Variants in RTF2 observed in about 807,000 individuals in gnomAD.
The protein encoded by RTF2 is replication termination factor 2, also known as UPF0549 protein C20orf43.
A neutral mutation model predicts 38.0 loss-of-function variants in RTF2; 18 were observed. That is an observed-to-expected ratio of 0.47 (90% confidence interval 0.33 to 0.70). RTF2 has a LOEUF of 0.70. RTF2 is among the 30% of genes least tolerant of loss of function. The pLI is 0.02. For missense variants in RTF2, 311 were observed against 379.6 expected, an observed-to-expected ratio of 0.82 and a Z score of 1.50; for synonymous variants, 126 against 137.1, an observed-to-expected ratio of 0.92 and a Z score of 0.57.
chr20:56,507,498 G>A (rs1317165326), intron 5 of RTF2, among the ~76,000 whole-genome samples: 1 of 152,102 alleles, frequency 6.6e-6, no homozygotes, highest in Non-Finnish European at 1.5e-5. Flanking sequence ...CTAATGTGAG[G>A]GGTTCCTGAC....
Position 56,497,003 on chromosome 20 carries a change from G to A in RTF2, c.477+12814G>A. The A allele has an allele frequency of 5.8e-6, 9 of 1,551,792 alleles. No homozygotes were observed. In the Middle Eastern group the frequency reaches 1.5e-3, roughly 259 times the overall value. ...TGGGAAAATCCTGTCCACAAAGATT[G>A]ATGACATAGTTCCATTGAAATTTAG... On this transcript the variant is annotated intron_variant, in intron 5 of 8. Coordinates refer to ENST00000357348, the MANE Select transcript of RTF2 (RefSeq NM_016407.5).
chr20:56,468,913 A>G (rs1362468510), intron 1 of RTF2, 147 bp downstream of exon 1: 1 of 649,776 alleles, frequency 1.5e-6, no homozygotes, highest in East Asian at 2.8e-5. Context: ...AAAATTAACA[A>G]CAGTATTAAG....
At chr20:56,470,823 CCA>C in intron 1 of RTF2, 1 of 371,002 alleles carries the variant, frequency 2.7e-6, no homozygotes, top group Non-Finnish European at 5.5e-6. Flanking sequence ...CATCCACATG[CCA>C]GGAGAGTTAC....
rs1985222574 is a variant in RTF2, at chr20:56,518,766, GT to G, written c.*503del. ...AGCCCTGGGAGGAGCCAGGATCCTT[GT>G]TGGTCTAGCTAAATACTGTTAGGGG... is the stretch of plus-strand genomic sequence containing the variant. On this transcript the variant is annotated 3_prime_UTR_variant, in exon 9 of 9. Transcript: ENST00000357348. The G allele has an allele frequency of 6.6e-6, 1 of 152,540 alleles. No homozygotes were observed. The highest frequency in any genetic ancestry group is 1.5e-5 in the Non-Finnish European group (1 of 68,294). 9.4% of individuals were successfully genotyped at this position (152,540 alleles called of 1,614,324 possible).
At chr20:56,477,291 G>A (rs2273327) in intron 4 of RTF2, among the ~76,000 whole-genome samples, 167 bp downstream of exon 4, 6,980 of 152,198 alleles carry the variant, frequency 0.046, 467 homozygotes, top group East Asian at 0.3. Flanking sequence ...GTTCATTTCC[G>A]TCAGCCATTG....
intron 5 of RTF2, among the ~76,000 whole-genome samples, chr20:56,484,705 C>T (rs1161606601): frequency 6.6e-6 from 1 of 152,186 alleles, no homozygotes; most frequent in Non-Finnish European, 1.5e-5. Flanking sequence ...TAAATGCTCG[C>T]ATGGGTGGCG....
At position 56,498,762 on chromosome 20, in the gene RTF2, T is replaced by A. The variant is rs534925804; in HGVS notation, c.478-14553T>A. Among the ~76,000 whole-genome samples, 5 of 152,098 alleles carry A rather than the reference T, an allele frequency of 3.3e-5. No individual in the cohort carries two copies. In the East Asian group the frequency reaches 9.6e-4, roughly 29 times the overall value. ...TATATTGTTAGAAAGTATTTGTTTT[T>A]CTTGTTTATGAATCTTGACTTGGTT... On this transcript the variant is annotated intron_variant, in intron 5 of 8. Coordinates refer to ENST00000357348, the MANE Select transcript of RTF2 (RefSeq NM_016407.5).
At chr20:56,497,821 T>TTTTATCCTC (rs1287420344) in intron 5 of RTF2, among the ~76,000 whole-genome samples, 1 of 152,172 alleles carries the variant, frequency 6.6e-6, no homozygotes, top group Non-Finnish European at 1.5e-5. Flanking sequence ...TTATGCTCCT[T>TTTTATCCTC]TTTATCCTCT....
At chr20:56,483,770 A>G (rs1600801939) in intron 4 of RTF2, among the ~76,000 whole-genome samples, 1 of 152,036 alleles carries the variant, frequency 6.6e-6, no homozygotes, top group East Asian at 1.9e-4. Flanking sequence ...CTCTTTGGCC[A>G]TTTTTCTATT....
chr20:56,492,325 A>G (rs8125400), intron 5 of RTF2, among the ~76,000 whole-genome samples: 3 of 150,922 alleles, frequency 2.0e-5, no homozygotes, highest in Admixed American at 1.3e-4. Context: ...TGATCTTCCC[A>G]CCTCGGCCTC....
At chr20:56,507,918 C>G (rs889016665) in intron 5 of RTF2, among the ~76,000 whole-genome samples, 3 of 152,212 alleles carry the variant, frequency 2.0e-5, no homozygotes, top group Admixed American at 1.3e-4. Context: ...CGTGAGACTT[C>G]CCAGGGAACC....
At chr20:56,513,222 G>T in intron 5 of RTF2, 93 bp from the exon 6 acceptor site, 1 of 1,488,532 alleles carries the variant, frequency 6.7e-7, no homozygotes, top group Non-Finnish European at 9.0e-7. Context: ...CGGAGCCTGG[G>T]GGCCACTGCT....
intron 5 of RTF2, among the ~76,000 whole-genome samples, chr20:56,484,426 G>T (rs1365324409): frequency 6.6e-6 from 1 of 152,194 alleles, no homozygotes; most frequent in Non-Finnish European, 1.5e-5. Flanking sequence ...TGCTGCCTCA[G>T]TTTCCTCTAG....
At chr20:56,469,564 A>T (rs1568689083) in intron 1 of RTF2, among the ~76,000 whole-genome samples, 1 of 152,218 alleles carries the variant, frequency 6.6e-6, no homozygotes, top group African/African-American at 2.4e-5. Context: ...TTTTAATGAT[A>T]AAATATTTGT....
At chr20:56,473,622 A>T (rs984003610) in intron 2 of RTF2, among the ~76,000 whole-genome samples, 5 of 152,138 alleles carry the variant, frequency 3.3e-5, no homozygotes, top group Admixed American at 6.5e-5. Context: ...AGTGGCTCAC[A>T]CCTGTAATCC....
At position 56,472,239 on chromosome 20, in the gene RTF2, ATAAAT is replaced by A. The variant is rs1361132112; in HGVS notation, c.70-1060_70-1056del. 7 of 817,252 alleles carry A rather than the reference ATAAAT, an allele frequency of 8.6e-6. No individual in the cohort carries two copies. In the African/African-American group the frequency reaches 1.0e-4, roughly 12 times the overall value. The allele number at this position is 817,252 out of a possible 1,614,324, so 50.6% of individuals were successfully genotyped here. On this transcript the variant is annotated intron_variant, in intron 1 of 8. Coordinates refer to ENST00000357348, the MANE Select transcript of RTF2 (RefSeq NM_016407.5). ...CTGTCTCAAAAAATAAATTAATAAA[ATAAAT>A]TCAGCAGGATTGTTTTTGTCTTCTT...
intron 1 of RTF2, among the ~76,000 whole-genome samples, chr20:56,469,809 A>G (rs1255977854): frequency 6.6e-6 from 1 of 152,112 alleles, no homozygotes; most frequent in Non-Finnish European, 1.5e-5. Flanking sequence ...CACCTCTTTC[A>G]TACTGTTCTA....
chr20:56,497,287 C>T (rs1568702499), intron 5 of RTF2: 12 of 1,550,992 alleles, frequency 7.7e-6, no homozygotes, highest in Admixed American at 2.0e-5. Flanking sequence ...AAAGAGAAAT[C>T]GCCCTCTTCT....
intron 5 of RTF2, among the ~76,000 whole-genome samples, chr20:56,490,008 T>C (rs1983020796): frequency 3.9e-5 from 6 of 152,244 alleles, no homozygotes; most frequent in Admixed American, 3.9e-4. Context: ...ATTTTCCATA[T>C]GTGCTTTCCT....
Sources: gnomAD v4.1 joint callset for allele counts (sites outside exome capture counted in the v4.1 genomes callset) on GRCh38, gnomAD v4.1.1 for gene constraint, MANE v1.5 for transcripts, NCBI Gene and HGNC (gene_info 2026-07-23, HGNC 2026-07-21) for gene names.